The following BCAS3 variants were observed in gnomAD, a reference collection of about 807,000 sequenced individuals.
The protein encoded by BCAS3 is BCAS4/BCAS3 fusion.
A neutral mutation model predicts 116.1 loss-of-function variants in BCAS3; 53 were observed. The observed-to-expected ratio is 0.46, with a 90% confidence interval of 0.37 to 0.57. The LOEUF (loss-of-function observed/expected upper bound fraction) is 0.57, where lower values mean the gene tolerates loss of function less well. Ranked by LOEUF, BCAS3 falls within the 20% of genes least tolerant of loss-of-function variation. BCAS3 has a pLI of 0.00. For missense variants in BCAS3, 917 were observed against 1,165.4 expected (o/e 0.79, Z 3.10); for synonymous variants, 391 against 408.2 (o/e 0.96, Z 0.51).
intron 7 of BCAS3, among the ~76,000 whole-genome samples, chr17:60,826,967 T>C (rs1476164707): frequency 2.0e-5 from 3 of 152,256 alleles, no homozygotes; most frequent in Non-Finnish European, 2.9e-5. Flanking sequence ...AATATGATTT[T>C]GTATTTGATA....
chr17:60,947,946 C>T (rs531387123), intron 14 of BCAS3, among the ~76,000 whole-genome samples: 4 of 152,120 alleles, frequency 2.6e-5, no homozygotes, highest in Admixed American at 1.3e-4. Flanking sequence ...TTTTTTTCCT[C>T]AGAGAGCTAG....
rs1390814407 is a variant in BCAS3, at chr17:61,131,793, G to T, written c.2425+47229G>T. Among the ~76,000 whole-genome samples the T allele has an allele frequency of 6.6e-6, 1 of 152,184 alleles. No homozygotes were observed. Among genetic ancestry groups the T allele is most frequent in the African/African-American group, 2.4e-5 (1 of 41,452 alleles). On this transcript the variant is annotated intron_variant, in intron 22 of 23. Transcript: ENST00000407086. The surrounding 1 kb of genome is among the most constrained non-coding windows in gnomAD (Gnocchi z 4.4). ...TGAAGGAGCCCTGATTAAAAAGAGT[G>T]GTAATGAAGACAAATGTTTCAGAGG... is the stretch of plus-strand genomic sequence containing the variant.
chr17:61,292,549 G>A (rs1327144909), intron 22 of BCAS3, among the ~76,000 whole-genome samples: 1 of 152,136 alleles, frequency 6.6e-6, no homozygotes, highest in Admixed American at 6.5e-5. Flanking sequence ...CTACTCAGGA[G>A]GCTGAGGCAT....
intron 19 of BCAS3, among the ~76,000 whole-genome samples, chr17:61,042,891 C>CAAAAAAAAAAAAAAAAAAAAA (rs35629825): frequency 3.4e-5 from 2 of 58,318 alleles, no homozygotes; most frequent in African/African-American, 1.1e-4. Flanking sequence ...CTCCATCTCA[C>CAAAAAAAAAAAAAAAAAAAAA]AAAAAAAAAA....
In BCAS3 at chr17:61,015,816, T is replaced by C; in HGVS notation, c.1552T>C (p.Ser518Pro). The change falls in exon 16 of 24, where the codon TCT becomes CCT. Residue 518 changes from serine to proline, a missense_variant. Coordinates refer to ENST00000407086, the MANE Select transcript of BCAS3 (RefSeq NM_017679.5). ...TNNNPGNPRL[S>P]PLPSLMVVMP... ...CAACAACCCTGGCAACCCTCGGCTC[T>C]CTCCTCTTCCCAGCTTGATGGTAGT... is the stretch of plus-strand genomic sequence containing the variant. 1 of 1,614,004 alleles carries C rather than the reference T, an allele frequency of 6.2e-7. No homozygotes were observed. The highest frequency in any genetic ancestry group is 8.5e-7 in the Non-Finnish European group (1 of 1,179,928).
Position 61,333,250 on chromosome 17 carries a change from C to G in BCAS3, c.2426-35077C>G, listed in dbSNP as rs1238321257. ...ACAGGGAGCAGCTGGTCCCTCAGAC[C>G]TTGCCAGCCACTTCTGCGGTGGTTG... On this transcript the variant is annotated intron_variant, in intron 22 of 23. Coordinates refer to ENST00000407086, the MANE Select transcript of BCAS3 (RefSeq NM_017679.5). The surrounding 1 kb of genome is among the most constrained non-coding windows in gnomAD (Gnocchi z 4.8). Among the ~76,000 whole-genome samples the G allele has an allele frequency of 6.6e-6, 1 of 152,114 alleles. No homozygotes were observed. Among genetic ancestry groups the G allele is most frequent in the African/African-American group, 2.4e-5 (1 of 41,422 alleles).
chr17:61,173,662 A>G (rs2078983802), intron 22 of BCAS3, among the ~76,000 whole-genome samples: 1 of 152,106 alleles, frequency 6.6e-6, no homozygotes, highest in Non-Finnish European at 1.5e-5. Context: ...AAGGATCACT[A>G]GAGGCCAGGA....
intron 19 of BCAS3, among the ~76,000 whole-genome samples, chr17:61,057,972 C>A (rs920339794): frequency 6.6e-6 from 1 of 151,656 alleles, no homozygotes; most frequent in African/African-American, 2.4e-5. Flanking sequence ...TATATTGAAG[C>A]CTCTTTTAGC....
intron 19 of BCAS3, among the ~76,000 whole-genome samples, chr17:61,055,942 AGTGTTTGCCAAAT>A (rs2069336325): frequency 6.6e-6 from 1 of 152,158 alleles, no homozygotes; most frequent in African/African-American, 2.4e-5. Context: ...GTCTTTCAAA[AGTGTTTGCCAAAT>A]CTGCTCAGGA....
intron 5 of BCAS3, among the ~76,000 whole-genome samples, chr17:60,731,878 A>G (rs528029664): frequency 6.6e-6 from 1 of 150,776 alleles, no homozygotes; most frequent in Non-Finnish European, 1.5e-5. Context: ...TTCCAGGTTC[A>G]AGCAATTCTC....
At position 61,339,178 on chromosome 17, in the gene BCAS3, A is replaced by C. The variant is rs1034741701; in HGVS notation, c.2426-29149A>C. Among the ~76,000 whole-genome samples, 1 of 152,158 alleles carries C rather than the reference A, an allele frequency of 6.6e-6. No homozygotes were observed. Among genetic ancestry groups the C allele is most frequent in the East Asian group, 1.9e-4 (1 of 5,180 alleles). On this transcript the variant is annotated intron_variant, in intron 22 of 23. Transcript: ENST00000407086. The surrounding 1 kb of genome is among the most constrained non-coding windows in gnomAD (Gnocchi z 4.4). ...ACTGACGATTGGCAGTCATCTTCCC[A>C]GCTCTCGGCTTCAACCCTGATTCTG...
intron 23 of BCAS3, among the ~76,000 whole-genome samples, chr17:61,385,383 G>A (rs2059795471): frequency 6.6e-6 from 1 of 152,224 alleles, no homozygotes; most frequent in African/African-American, 2.4e-5. Flanking sequence ...AGGGCCCTGG[G>A]TGCAGGCCCC....
intron 22 of BCAS3, among the ~76,000 whole-genome samples, chr17:61,329,417 T>G (rs2056051600): frequency 6.7e-6 from 1 of 148,750 alleles, no homozygotes; most frequent in Admixed American, 6.7e-5. Flanking sequence ...CTCGGCTCAC[T>G]GCAAGCTCCG....
At chr17:60,921,457 C>G (rs1462191576) in intron 12 of BCAS3, among the ~76,000 whole-genome samples, 2 of 151,568 alleles carry the variant, frequency 1.3e-5, no homozygotes, top group African/African-American at 4.8e-5. Context: ...ACTAAAAATA[C>G]AAAAAATTAG....
intron 7 of BCAS3, among the ~76,000 whole-genome samples, chr17:60,850,345 GTTTTTTTTTTT>G (rs10573405): frequency 2.1e-4 from 8 of 37,730 alleles, no homozygotes; most frequent in South Asian, 1.4e-3. Context: ...TGGCACCACT[GTTTTTTTTTTT>G]TTTTTTTTTT....
chr17:61,283,913 A>G (rs554602447), intron 22 of BCAS3, among the ~76,000 whole-genome samples: 111 of 152,304 alleles, frequency 7.3e-4, no homozygotes, highest in Non-Finnish European at 1.4e-3. Flanking sequence ...GCAGGCCACC[A>G]CACCCAGTTG....
intron 22 of BCAS3, among the ~76,000 whole-genome samples, chr17:61,207,924 A>C (rs775597477): frequency 2.6e-5 from 4 of 152,200 alleles, no homozygotes; most frequent in Non-Finnish European, 5.9e-5. Flanking sequence ...TATTAGTAAC[A>C]TGGCTAAAAA....
chr17:61,091,864 C>T (rs947063228), intron 22 of BCAS3, among the ~76,000 whole-genome samples: 5 of 152,182 alleles, frequency 3.3e-5, no homozygotes, highest in African/African-American at 9.7e-5. Context: ...TGTTTTCAAG[C>T]ACCTCTGAAG....
At position 61,241,445 on chromosome 17, in the gene BCAS3, C is replaced by T. The variant is rs371259655; in HGVS notation, c.2426-126882C>T. On this transcript the variant is annotated intron_variant, in intron 22 of 23. Coordinates refer to ENST00000407086, the MANE Select transcript of BCAS3 (RefSeq NM_017679.5). This position sits in a 1 kb window ranked among gnomAD's most constrained non-coding sequence, Gnocchi z 4.6. ...ATAATAGTTTGGGCCTGCGCAGTGG[C>T]TCACCCCTGTAATCCCAACACTTTG... is the stretch of plus-strand genomic sequence containing the variant. 3.6e-4 allele frequency among the ~76,000 whole-genome samples: 55 copies of T among 152,062 alleles called. No individual in the cohort carries two copies. The highest frequency in any genetic ancestry group is 1.2e-3 in the African/African-American group (51 of 41,390).
Sources: allele counts gnomAD v4.1 joint callset (sites outside exome capture counted in the v4.1 genomes callset), GRCh38; gene constraint gnomAD v4.1.1; non-coding constraint Gnocchi (gnomAD v3.1); transcripts MANE v1.5; gene names NCBI Gene and HGNC (gene_info 2026-07-23, HGNC 2026-07-21).